TRIQK: variants seen among roughly 807,000 people sequenced by gnomAD.
TRIQK encodes triple QxxK/R motif-containing protein.
In TRIQK, 10 loss-of-function variants were observed where a neutral mutation model predicts 10.8. That is an observed-to-expected ratio of 0.92 (90% CI 0.57 to 1.57). The LOEUF (loss-of-function observed/expected upper bound fraction) is 1.57. Among genes scored for constraint, TRIQK ranks in the 40% most tolerant of loss-of-function variants. The probability of loss-of-function intolerance (pLI) is 0.00; values close to 1 mark genes in which losing one functional copy is unlikely to be tolerated. For missense variants in TRIQK, 107 were observed against 97.7 expected (o/e 1.09, Z -0.40); for synonymous variants, 33 against 33.7 (o/e 0.98, Z 0.07).
chr8:92,972,564 T>C (rs1812886261), intron 1 of TRIQK: 1 of 152,406 alleles, frequency 6.6e-6, no homozygotes, highest in Non-Finnish European at 1.5e-5. Context: ...GTTTTCTGCC[T>C]AGCTCCAACT....
intron 1 of TRIQK, among the ~76,000 whole-genome samples, chr8:93,016,168 T>C (rs1813383137): frequency 6.6e-6 from 1 of 152,170 alleles, no homozygotes; most frequent in African/African-American, 2.4e-5. Context: ...AAATATAGTA[T>C]AAAGTCTGAT....
intron 1 of TRIQK, among the ~76,000 whole-genome samples, chr8:92,977,971 AT>A (rs1441153520): frequency 6.6e-6 from 1 of 152,112 alleles, no homozygotes; most frequent in Non-Finnish European, 1.5e-5. Context: ...AATACAAACT[AT>A]TTCTGACCAT....
chr8:93,002,009 C>T (rs1586528115), intron 1 of TRIQK, among the ~76,000 whole-genome samples: 1 of 152,022 alleles, frequency 6.6e-6, no homozygotes, highest in East Asian at 1.9e-4. Flanking sequence ...GGAAATTAAG[C>T]AACATGTTCC....
chr8:92,980,359 A>T (rs1812974418), intron 1 of TRIQK, among the ~76,000 whole-genome samples: 1 of 151,560 alleles, frequency 6.6e-6, no homozygotes, highest in Non-Finnish European at 1.5e-5. Context: ...TATAATTGGC[A>T]TATGGGGGTG....
chr8:92,953,950 A>G (rs1812042685), intron 2 of TRIQK: 1 of 152,092 alleles, frequency 6.6e-6, no homozygotes, highest in Non-Finnish European at 1.5e-5. Flanking sequence ...CAATTTACTA[A>G]GAAATATTGC....
intron 1 of TRIQK, among the ~76,000 whole-genome samples, chr8:93,008,429 A>T (rs1323116950): frequency 6.6e-6 from 1 of 152,204 alleles, no homozygotes; most frequent in Non-Finnish European, 1.5e-5. Context: ...TATTCAATGT[A>T]GATGACTACA....
intron 3 of TRIQK, among the ~76,000 whole-genome samples, chr8:92,904,553 AT>A (rs1440613260): frequency 6.6e-6 from 1 of 152,154 alleles, no homozygotes; most frequent in Non-Finnish European, 1.5e-5. Context: ...TCCCTAGCAC[AT>A]GGTCATAACT....
chr8:92,947,377 G>A (rs1811598957), intron 2 of TRIQK, among the ~76,000 whole-genome samples: 1 of 151,494 alleles, frequency 6.6e-6, no homozygotes, highest in Non-Finnish European at 1.5e-5. Flanking sequence ...GAGGTCGGGA[G>A]TTCGAGACCA....
At chr8:93,013,393 A>C (rs1416164895) in intron 1 of TRIQK, among the ~76,000 whole-genome samples, 1 of 152,184 alleles carries the variant, frequency 6.6e-6, no homozygotes, top group African/African-American at 2.4e-5. Context: ...TGCATGACCT[A>C]TGGAAGTGAC....
chr8:92,941,059 T>G (rs755874476), intron 2 of TRIQK: 5 of 151,916 alleles, frequency 3.3e-5, no homozygotes, highest in Non-Finnish European at 7.4e-5. Context: ...AAAGGGAAAT[T>G]TATTTATTAT....
intron 1 of TRIQK, among the ~76,000 whole-genome samples, chr8:92,991,217 G>A (rs1467497972): frequency 1.3e-5 from 2 of 152,188 alleles, no homozygotes; most frequent in Non-Finnish European, 2.9e-5. Flanking sequence ...CTCCTCTCCA[G>A]GCAGGGCACC....
intron 1 of TRIQK, among the ~76,000 whole-genome samples, chr8:92,994,729 C>T (rs1813135178): frequency 1.3e-5 from 2 of 151,742 alleles, no homozygotes; most frequent in Admixed American, 6.6e-5. Flanking sequence ...AACCAGATAC[C>T]ACCTCTGACC....
At chr8:92,906,464 C>A (rs1432546621) in intron 3 of TRIQK, among the ~76,000 whole-genome samples, 1 of 152,036 alleles carries the variant, frequency 6.6e-6, no homozygotes, top group Non-Finnish European at 1.5e-5. Context: ...CAAAGACCCT[C>A]AGTAAACTAA....
upstream of TRIQK, among the ~76,000 whole-genome samples, chr8:92,967,604 C>A (rs1812803783): frequency 6.6e-6 from 1 of 151,760 alleles, no homozygotes; most frequent in Non-Finnish European, 1.5e-5. Context: ...GACGGATTGC[C>A]TGAGGTCAGG....
intron 2 of TRIQK, among the ~76,000 whole-genome samples, chr8:92,930,577 G>T (rs558544814): frequency 6.6e-6 from 1 of 151,948 alleles, no homozygotes; most frequent in African/African-American, 2.4e-5. Flanking sequence ...ACCACTGCAC[G>T]CTAAGAGCTT....
chr8:93,010,680 A>G (rs2130763053), intron 1 of TRIQK, among the ~76,000 whole-genome samples: 1 of 152,274 alleles, frequency 6.6e-6, no homozygotes, highest in Admixed American at 6.5e-5. Context: ...ACTTTATAGA[A>G]CGGCATATAC....
At chr8:92,917,526 AAACT>A in intron 2 of TRIQK, among the ~76,000 whole-genome samples, 1 of 152,012 alleles carries the variant, frequency 6.6e-6, no homozygotes. Context: ...TAAACAATAA[AAACT>A]ACTACCATTT....
intron 2 of TRIQK, chr8:92,953,798 G>T (rs1812032556): frequency 6.6e-6 from 1 of 151,876 alleles, no homozygotes; most frequent in African/African-American, 2.4e-5. Flanking sequence ...TGAGTAAAAT[G>T]GAGAGCTATT....
intron 3 of TRIQK, among the ~76,000 whole-genome samples, chr8:92,913,993 T>G (rs2130438542): frequency 6.6e-6 from 1 of 152,172 alleles, no homozygotes; most frequent in South Asian, 2.1e-4. Context: ...AGGGAAAGGA[T>G]AGCATTAGGA....
Sources: allele counts gnomAD v4.1 joint callset (sites outside exome capture counted in the v4.1 genomes callset), GRCh38; gene constraint gnomAD v4.1.1; transcripts MANE v1.5; gene names NCBI Gene and HGNC (gene_info 2026-07-23, HGNC 2026-07-21).